AGMO: variants seen among roughly 807,000 people sequenced by gnomAD.
AGMO encodes the protein alkylglycerol monooxygenase, also known as glyceryl-ether monooxygenase.
AGMO carries 75 observed loss-of-function variants against 60.2 expected under a neutral mutation model. That is an observed-to-expected ratio of 1.25 (90% CI 1.03 to 1.51). AGMO has a LOEUF of 1.51. Ranked by LOEUF, AGMO falls within the 40% of genes most tolerant of loss-of-function variation. The probability of loss-of-function intolerance (pLI) is 0.00; values close to 1 mark genes in which losing one functional copy is unlikely to be tolerated. For missense variants in AGMO, 763 were observed against 525.5 expected, an observed-to-expected ratio of 1.45 and a Z score of -4.42; for synonymous variants, 261 against 177.1, an observed-to-expected ratio of 1.47 and a Z score of -3.76.
chr7:15,510,953 C>T (rs1273401539), intron 3 of AGMO, among the ~76,000 whole-genome samples: 1 of 149,770 alleles, frequency 6.7e-6, no homozygotes, highest in Non-Finnish European at 1.5e-5. Flanking sequence ...ATAATATAAA[C>T]AAGTTCCTAT....
At chr7:15,370,810 T>G (rs1783179116) in intron 10 of AGMO, among the ~76,000 whole-genome samples, 1 of 152,196 alleles carries the variant, frequency 6.6e-6, no homozygotes. Context: ...GATGGGTAGT[T>G]GGCAAATATT....
chr7:15,427,354 C>T (rs1781094550), intron 4 of AGMO, among the ~76,000 whole-genome samples: 2 of 152,148 alleles, frequency 1.3e-5, no homozygotes, highest in Admixed American at 6.5e-5. Context: ...GTCCTGTATC[C>T]TTTACTTGCT....
chr7:15,390,236 T>C (rs1457628432), intron 8 of AGMO, among the ~76,000 whole-genome samples: 1 of 152,102 alleles, frequency 6.6e-6, no homozygotes, highest in Non-Finnish European at 1.5e-5. Flanking sequence ...CAATCTGTAA[T>C]AGTTCCTGAC....
At chr7:15,505,278 G>C (rs756819508) in intron 3 of AGMO, among the ~76,000 whole-genome samples, 104 of 152,036 alleles carry the variant, frequency 6.8e-4, no homozygotes, top group Non-Finnish European at 1.5e-4. Flanking sequence ...TTCTTCTCAA[G>C]GTCCTCAGGA....
chr7:15,309,743 T>C (rs1264100464), intron 12 of AGMO, among the ~76,000 whole-genome samples: 2 of 152,150 alleles, frequency 1.3e-5, no homozygotes, highest in African/African-American at 2.4e-5. Flanking sequence ...TTCCTCATCA[T>C]TTTAGAGAGA....
intron 3 of AGMO, among the ~76,000 whole-genome samples, chr7:15,460,108 TTTTTTTTTG>T (rs1407301970): frequency 2.7e-5 from 4 of 148,798 alleles, no homozygotes; most frequent in African/African-American, 9.9e-5. Flanking sequence ...AATTTCCCCT[TTTTTTTTTG>T]TTTTTTTGAG....
chr7:15,202,282 C>T (rs1485187860), intron 12 of AGMO, among the ~76,000 whole-genome samples: 1 of 151,742 alleles, frequency 6.6e-6, no homozygotes, highest in African/African-American at 2.4e-5. Context: ...AAAGAGAGAA[C>T]ATTTAATTAA....
chr7:15,218,409 C>G (rs1237652426), intron 12 of AGMO, among the ~76,000 whole-genome samples: 3 of 143,182 alleles, frequency 2.1e-5, no homozygotes, highest in African/African-American at 5.2e-5. Context: ...TGTTTTAGTT[C>G]TTTTAATGAT....
At chr7:15,132,338 G>C in the AGMO span, among the ~76,000 whole-genome samples, 1 of 152,096 alleles carries the variant, frequency 6.6e-6, no homozygotes, top group Non-Finnish European at 1.5e-5. Context: ...TGATGGTGTG[G>C]GAAGACAAAT....
At chr7:15,226,993 CG>C (rs1348976214) in intron 12 of AGMO, among the ~76,000 whole-genome samples, 1 of 151,960 alleles carries the variant, frequency 6.6e-6, no homozygotes, top group Non-Finnish European at 1.5e-5. Context: ...AAGAATGTTG[CG>C]TTATTTCCTG....
chr7:15,552,378 C>T (rs1029419281), intron 2 of AGMO, among the ~76,000 whole-genome samples: 5 of 152,180 alleles, frequency 3.3e-5, no homozygotes, highest in Non-Finnish European at 7.3e-5. Context: ...TTAGAGTGAA[C>T]AGGCAACCTA....
intron 3 of AGMO, among the ~76,000 whole-genome samples, chr7:15,443,823 C>A (rs1562510264): frequency 6.6e-6 from 1 of 152,142 alleles, no homozygotes; most frequent in Non-Finnish European, 1.5e-5. Context: ...GTATCTTCCT[C>A]CTTCTCATGT....
intron 3 of AGMO, among the ~76,000 whole-genome samples, chr7:15,528,793 C>G (rs1784191968): frequency 2.6e-5 from 4 of 152,094 alleles, no homozygotes; most frequent in South Asian, 4.1e-4. Flanking sequence ...GGATTACAGG[C>G]ATGCGCCACC....
chr7:15,254,155 G>C (rs900721825), intron 12 of AGMO, among the ~76,000 whole-genome samples: 2 of 151,980 alleles, frequency 1.3e-5, no homozygotes, highest in Non-Finnish European at 2.9e-5. Context: ...CATTTAGACT[G>C]ATTACATATA....
At chr7:15,559,514 G>A (rs1456774980) in intron 2 of AGMO, among the ~76,000 whole-genome samples, 1 of 151,994 alleles carries the variant, frequency 6.6e-6, no homozygotes, top group Non-Finnish European at 1.5e-5. Flanking sequence ...AAGTGCCTGT[G>A]GCATGTGGAC....
chr7:15,308,178 A>G (rs992934404), intron 12 of AGMO, among the ~76,000 whole-genome samples: 3 of 152,078 alleles, frequency 2.0e-5, no homozygotes, highest in Admixed American at 2.0e-4. Flanking sequence ...AATGGAGTAA[A>G]TTCTGCTTAT....
intron 6 of AGMO, among the ~76,000 whole-genome samples, chr7:15,393,613 G>T (rs945046690): frequency 2.0e-5 from 3 of 152,250 alleles, no homozygotes; most frequent in East Asian, 1.9e-4. Flanking sequence ...TTAGGCACTT[G>T]TCACTTGGGA....
chr7:15,491,000 C>A (rs539923753), intron 3 of AGMO, among the ~76,000 whole-genome samples: 2 of 152,042 alleles, frequency 1.3e-5, no homozygotes, highest in Non-Finnish European at 2.9e-5. Flanking sequence ...GACTTTGTGC[C>A]AAGTAGAGGA....
chr7:15,331,534 T>G (rs1011622014), intron 12 of AGMO, among the ~76,000 whole-genome samples: 1 of 152,212 alleles, frequency 6.6e-6, no homozygotes, highest in African/African-American at 2.4e-5. Flanking sequence ...GCTGTGTTCC[T>G]GTAAAGATTT....
Sources: allele counts gnomAD v4.1 joint callset (sites outside exome capture counted in the v4.1 genomes callset), GRCh38; gene constraint gnomAD v4.1.1; transcripts MANE v1.5; gene names NCBI Gene and HGNC (gene_info 2026-07-23, HGNC 2026-07-21).